The following LHCGR variants were observed in gnomAD, a reference collection of about 807,000 sequenced individuals.
LHCGR encodes luteinizing hormone/choriogonadotropin receptor.
A neutral mutation model predicts 60.7 loss-of-function variants in LHCGR; 55 were observed. The observed-to-expected ratio is 0.91, with a 90% confidence interval of 0.73 to 1.13. The LOEUF (loss-of-function observed/expected upper bound fraction) is 1.13, where lower values mean the gene tolerates loss of function less well. LHCGR is among the 50% of genes most tolerant of loss of function. The pLI is 0.00. For missense variants in LHCGR, 862 were observed against 836.0 expected, an observed-to-expected ratio of 1.03 and a Z score of -0.38; for synonymous variants, 337 against 316.5, an observed-to-expected ratio of 1.06 and a Z score of -0.69.
rs1487238962 is a variant in LHCGR at position 48,739,434 on chromosome 2, T to C, written c.162-8136A>G. Among the ~76,000 whole-genome samples, 5 of 152,194 alleles carry C rather than the reference T, an allele frequency of 3.3e-5. No individual in the cohort carries two copies. In the East Asian group the frequency reaches 9.7e-4, roughly 29 times the overall value. On this transcript the variant is annotated intron_variant, in intron 1 of 10. Coordinates refer to ENST00000294954, the MANE Select transcript of LHCGR (RefSeq NM_000233.4). ...AGCCAAATGTCCAACAATGATAGAC[T>C]GGATTAAGAAAATGTGGCACATATA...
intron 4 of LHCGR, 86 bp from the exon 5 acceptor site, chr2:48,723,782 A>C: frequency 9.8e-7 from 1 of 1,018,690 alleles, no homozygotes; most frequent in Non-Finnish European, 1.6e-6. Context: ...AGAGAGTACA[A>C]AGGCATTTTG....
At chr2:48,695,723 T>C (rs1309787881) in intron 9 of LHCGR, among the ~76,000 whole-genome samples, 2 of 152,200 alleles carry the variant, frequency 1.3e-5, no homozygotes, top group Admixed American at 6.5e-5. Flanking sequence ...TAAAAAATCA[T>C]GTCTTTTGCA....
intron 1 of LHCGR, among the ~76,000 whole-genome samples, chr2:48,749,830 G>A (rs536234605): frequency 1.3e-5 from 2 of 152,136 alleles, no homozygotes; most frequent in African/African-American, 2.4e-5. Flanking sequence ...CTCTACACTT[G>A]CGTTGAGATT....
intron 1 of LHCGR, among the ~76,000 whole-genome samples, chr2:48,741,604 G>C (rs1320968398): frequency 1.3e-5 from 2 of 151,720 alleles, no homozygotes; most frequent in Non-Finnish European, 2.9e-5. Flanking sequence ...CTTCTTAAGT[G>C]AAGGAGAAAT....
intron 9 of LHCGR, among the ~76,000 whole-genome samples, chr2:48,694,963 C>G (rs1456317809): frequency 6.6e-6 from 1 of 152,012 alleles, no homozygotes; most frequent in African/African-American, 2.4e-5. Context: ...TAAGCATTCC[C>G]TTTTCTTCCA....
intron 9 of LHCGR, 86 bp downstream of exon 9, chr2:48,698,529 G>T: frequency 9.6e-7 from 1 of 1,043,824 alleles, no homozygotes; most frequent in Non-Finnish European, 1.5e-6. Flanking sequence ...GAGTGAAGGG[G>T]AGTGGAGCTG....
At chr2:48,693,934 T>C (rs1666986434) in intron 10 of LHCGR, among the ~76,000 whole-genome samples, 1 of 152,232 alleles carries the variant, frequency 6.6e-6, no homozygotes, top group South Asian at 2.1e-4. Context: ...TATCAGCCTT[T>C]GGTGACATCA....
rs370541104 is a variant in LHCGR, at chr2:48,688,381, A to G, written c.1416T>C (p.Ile472=). The G allele has an allele frequency of 8.7e-6, 14 of 1,614,064 alleles. No homozygotes were observed. The highest frequency in any genetic ancestry group is 1.1e-5 in the Non-Finnish European group (13 of 1,180,044). Residue 472 remains isoleucine (I), a synonymous_variant, in exon 11 of 11, where the codon ATT becomes ATC. Transcript: ENST00000294954. This position sits in a 1 kb window ranked among gnomAD's most constrained non-coding sequence, Gnocchi z 5.2. The part of the protein sequence containing the change: ...LERWHTITYA[I]HLDQKLRLRH... The stretch of plus-strand genomic sequence containing the variant: ...TTAATCGCAGCTTTTGGTCCAGGTG[A>G]ATAGCATAGGTGATGGTGTGCCATC...
At chr2:48,700,079 CA>C (rs1667332970) in intron 8 of LHCGR, among the ~76,000 whole-genome samples, 1 of 152,170 alleles carries the variant, frequency 6.6e-6, no homozygotes, top group African/African-American at 2.4e-5. Context: ...AAAATTAAGG[CA>C]GCAAAATTTG....
chr2:48,747,733 A>G (rs1669775082), intron 1 of LHCGR, among the ~76,000 whole-genome samples: 1 of 152,216 alleles, frequency 6.6e-6, no homozygotes, highest in African/African-American at 2.4e-5. Flanking sequence ...ACATCTTCAC[A>G]GCATACTTCT....
Position 48,738,634 on chromosome 2 carries a change from A to T in LHCGR, c.162-7336T>A, listed in dbSNP as rs868223698. On this transcript the variant is annotated intron_variant, in intron 1 of 10. Coordinates refer to ENST00000294954, the MANE Select transcript of LHCGR (RefSeq NM_000233.4). ...TGCCCTCATGTAACCAATACACTAG[A>T]CTTGCACCGTCTCATATGGCAGCCA... Among the ~76,000 whole-genome samples, 4 of 152,112 alleles carry T rather than the reference A, an allele frequency of 2.6e-5. No individual in the cohort carries two copies. The South Asian group carries it at 8.3e-4, about 32-fold the overall frequency.
intron 1 of LHCGR, among the ~76,000 whole-genome samples, chr2:48,753,763 C>A (rs1260317691): frequency 6.6e-6 from 1 of 151,920 alleles, no homozygotes; most frequent in Non-Finnish European, 1.5e-5. Flanking sequence ...ATTCATGCCC[C>A]CAGTGGGAGT....
At chr2:48,746,609 A>G (rs1669718104) in intron 1 of LHCGR, among the ~76,000 whole-genome samples, 2 of 152,224 alleles carry the variant, frequency 1.3e-5, no homozygotes, top group Non-Finnish European at 2.9e-5. Flanking sequence ...TTTATGTCTT[A>G]TCATGTGAAC....
chr2:48,702,351 T>G (rs904439172), intron 8 of LHCGR, among the ~76,000 whole-genome samples: 1 of 152,074 alleles, frequency 6.6e-6, no homozygotes, highest in Non-Finnish European at 1.5e-5. Flanking sequence ...GCCACGTTGG[T>G]TTGCTGCACC....
chr2:48,688,406 C>G lies in LHCGR; in HGVS notation c.1391G>C (p.Arg464Thr), dbSNP rs1158732811. ...AATAGCATAGGTGATGGTGTGCCAT[C>G]TTTCTAGAGTGATGACGGTGAGGGT... Reference protein sequence around the residue: ...VYTLTVITLERWHTITYAIHL... With the variant: ...VYTLTVITLETWHTITYAIHL... The change falls in exon 11 of 11, where the codon AGA (arginine) becomes ACA (threonine). Residue 464 changes from arginine (R) to threonine (T), a missense_variant. Arg to Thr is a moderately conservative substitution (Grantham distance 71). Coordinates refer to ENST00000294954, the MANE Select transcript of LHCGR (RefSeq NM_000233.4). This position sits in a 1 kb window ranked among gnomAD's most constrained non-coding sequence, Gnocchi z 5.2. 2 of 1,614,160 alleles carry G rather than the reference C, an allele frequency of 1.2e-6. No individual in the cohort carries two copies. Among genetic ancestry groups the G allele is most frequent in the Admixed American group, 1.7e-5 (1 of 60,024 alleles).
At chr2:48,709,593 C>T (rs553433693) in intron 7 of LHCGR, among the ~76,000 whole-genome samples, 1 of 152,294 alleles carries the variant, frequency 6.6e-6, no homozygotes, top group South Asian at 2.1e-4. Flanking sequence ...TAGAAAATTG[C>T]CCCATGGGGC....
At chr2:48,722,205 GCTCCCA>G (rs1215249899) in intron 6 of LHCGR, among the ~76,000 whole-genome samples, 4 of 152,146 alleles carry the variant, frequency 2.6e-5, no homozygotes, top group Admixed American at 6.5e-5. Flanking sequence ...GCAGTGGAGG[GCTCCCA>G]TGTGAAGATG....
chr2:48,701,488 C>A (rs1215964446), intron 8 of LHCGR, among the ~76,000 whole-genome samples: 1 of 152,132 alleles, frequency 6.6e-6, no homozygotes, highest in African/African-American at 2.4e-5. Context: ...TCCTGGAACA[C>A]TTTTCCTGCA....
chr2:48,738,971 A>C (rs551571997), intron 1 of LHCGR, among the ~76,000 whole-genome samples: 3 of 152,188 alleles, frequency 2.0e-5, no homozygotes, highest in Non-Finnish European at 4.4e-5. Flanking sequence ...AAATCAAACT[A>C]TTTGTACTTC....
Sources: allele counts gnomAD v4.1 joint callset (sites outside exome capture counted in the v4.1 genomes callset), GRCh38; gene constraint gnomAD v4.1.1; non-coding constraint Gnocchi (gnomAD v3.1); transcripts MANE v1.5; gene names NCBI Gene and HGNC (gene_info 2026-07-23, HGNC 2026-07-21).